The following CATSPERB variants were observed in gnomAD, a reference collection of about 807,000 sequenced individuals.
The protein encoded by CATSPERB is catsper channel auxiliary subunit beta, also known as cation channel sperm-associated auxiliary subunit beta.
A neutral mutation model predicts 128.3 loss-of-function variants in CATSPERB; 93 were observed. The observed-to-expected ratio is 0.72, with a 90% CI of 0.61 to 0.86. The LOEUF (loss-of-function observed/expected upper bound fraction) is 0.86, where lower values mean the gene tolerates loss of function less well. Ranked by LOEUF, CATSPERB falls within the 40% of genes least tolerant of loss-of-function variation. The probability of loss-of-function intolerance (pLI) is 0.00; values close to 1 mark genes in which losing one functional copy is unlikely to be tolerated. For missense variants in CATSPERB, 1,153 were observed against 1,329.5 expected (o/e 0.87, Z 2.06); for synonymous variants, 381 against 448.8 (o/e 0.85, Z 1.91).
At chr14:91,619,593 A>G (rs1040671882) in intron 19 of CATSPERB, among the ~76,000 whole-genome samples, 5 of 143,240 alleles carry the variant, frequency 3.5e-5, no homozygotes, top group Non-Finnish European at 7.6e-5. Flanking sequence ...TATGGTTCCT[A>G]TATCTTCTTT....
At chr14:91,643,092 TTCTC>T (rs1894528441) in intron 15 of CATSPERB, among the ~76,000 whole-genome samples, 1 of 47,126 alleles carries the variant, frequency 2.1e-5, no homozygotes, top group Non-Finnish European at 4.3e-5. Flanking sequence ...TATTTGATTC[TTCTC>T]TCTTTTTTTC....
Position 91,621,897 on chromosome 14 carries a change from A to C in CATSPERB, c.1971T>G (p.Thr657=). 1 of 1,612,886 alleles carries C rather than the reference A, an allele frequency of 6.2e-7. No homozygotes were observed. The highest frequency in any genetic ancestry group is 8.5e-7 in the Non-Finnish European group (1 of 1,179,396). Residue 657 remains threonine (T), a synonymous_variant, in exon 19 of 27, where the codon ACT becomes ACG. Transcript: ENST00000256343. ...AGCTGCTGTACCCGGGAAGCACTAC[A>C]GTCTTCTCTATATCTGTATCTTCAA... The part of the protein sequence containing the change: ...ALFEDTDIEK[T]VVLPGYSSFL...
At chr14:91,623,848 C>T (rs1487784826) in intron 18 of CATSPERB, among the ~76,000 whole-genome samples, 1 of 152,172 alleles carries the variant, frequency 6.6e-6, no homozygotes, top group Non-Finnish European at 1.5e-5. Flanking sequence ...TGCTGTGAAT[C>T]AATAATCCTT....
At chr14:91,665,742 T>C (rs1177660076) in intron 14 of CATSPERB, among the ~76,000 whole-genome samples, 1 of 151,988 alleles carries the variant, frequency 6.6e-6, no homozygotes, top group Non-Finnish European at 1.5e-5. Flanking sequence ...TGGTGGCAGG[T>C]GCCTGTAATC....
chr14:91,598,384 C>A (rs1893546717), intron 22 of CATSPERB, among the ~76,000 whole-genome samples: 1 of 151,772 alleles, frequency 6.6e-6, no homozygotes, highest in Non-Finnish European at 1.5e-5. Context: ...AATGAGATAT[C>A]TATTATTTAA....
At chr14:91,645,336 G>GT (rs1894575517) in intron 15 of CATSPERB, among the ~76,000 whole-genome samples, 1 of 51,582 alleles carries the variant, frequency 1.9e-5, no homozygotes, top group Non-Finnish European at 3.8e-5. Flanking sequence ...CATCTTTGTG[G>GT]TTTTATCTAC....
At chr14:91,715,390 C>T (rs967769093) in intron 5 of CATSPERB, among the ~76,000 whole-genome samples, 12 of 151,352 alleles carry the variant, frequency 7.9e-5, no homozygotes, top group Admixed American at 4.0e-4. Context: ...GGCGAAACCC[C>T]GTCTCTACTA....
chr14:91,725,950 A>G (rs1273967203), intron 2 of CATSPERB, among the ~76,000 whole-genome samples: 2 of 152,146 alleles, frequency 1.3e-5, no homozygotes, highest in Non-Finnish European at 2.9e-5. Flanking sequence ...ATATGAACAG[A>G]AGAGCAAAAG....
chr14:91,704,743 C>G, intron 6 of CATSPERB, 42 bp from the exon 7 acceptor site: 2 of 1,586,284 alleles, frequency 1.3e-6, no homozygotes, highest in East Asian at 2.2e-5. Context: ...TGGGAGCACC[C>G]TTGAAAATGG....
chr14:91,675,897 C>T (rs1029031681), intron 11 of CATSPERB, among the ~76,000 whole-genome samples: 1 of 152,120 alleles, frequency 6.6e-6, no homozygotes, highest in African/African-American at 2.4e-5. Context: ...CATGTGAATT[C>T]TTCTGTGGGT....
chr14:91,727,787 C>T (rs538275128), intron 2 of CATSPERB, among the ~76,000 whole-genome samples: 2 of 151,810 alleles, frequency 1.3e-5, no homozygotes, highest in Non-Finnish European at 2.9e-5. Context: ...GCCATTAAGG[C>T]TCAAATGGGT....
chr14:91,605,062 T>C (rs1893675565), intron 22 of CATSPERB: 2 of 1,214,410 alleles, frequency 1.6e-6, no homozygotes, highest in Middle Eastern at 1.9e-4. Flanking sequence ...TGTCTTCCTT[T>C]TTTCTGGCAC....
At chr14:91,668,300 C>T (rs867218750) in intron 14 of CATSPERB, among the ~76,000 whole-genome samples, 19 of 149,568 alleles carry the variant, frequency 1.3e-4, no homozygotes, top group African/African-American at 1.9e-4. Context: ...GGTTTGTAAA[C>T]GCACCAATCA....
At chr14:91,656,795 C>A (rs1894796436) in intron 15 of CATSPERB, among the ~76,000 whole-genome samples, 1 of 151,642 alleles carries the variant, frequency 6.6e-6, no homozygotes, top group African/African-American at 2.4e-5. Flanking sequence ...CACACATAGA[C>A]TGAAAATAAA....
At chr14:91,676,753 C>T (rs1160738827) in intron 11 of CATSPERB, among the ~76,000 whole-genome samples, 2 of 152,024 alleles carry the variant, frequency 1.3e-5, no homozygotes, top group African/African-American at 4.8e-5. Flanking sequence ...AAAAAAGAGC[C>T]CGTATAGCCA....
At chr14:91,650,993 C>G (rs1894695564) in intron 15 of CATSPERB, among the ~76,000 whole-genome samples, 1 of 151,936 alleles carries the variant, frequency 6.6e-6, no homozygotes, top group Non-Finnish European at 1.5e-5. Context: ...CATTATCTTG[C>G]TAGGTCTATT....
intron 22 of CATSPERB, among the ~76,000 whole-genome samples, chr14:91,599,756 C>G (rs1196170576): frequency 1.3e-5 from 2 of 151,924 alleles, no homozygotes; most frequent in Non-Finnish European, 2.9e-5. Context: ...AGCAAAGGCA[C>G]CAAGACTCAA....
At chr14:91,590,798 C>T (rs1164330099) in intron 23 of CATSPERB, among the ~76,000 whole-genome samples, 2 of 151,506 alleles carry the variant, frequency 1.3e-5, no homozygotes, top group South Asian at 2.1e-4. Flanking sequence ...CTACAGGCGC[C>T]CACCACCACG....
rs530116156 is a variant in CATSPERB, at chr14:91,615,108, G to A, written c.2400+2489C>T. Among the ~76,000 whole-genome samples, 8 of 152,030 alleles carry A rather than the reference G, an allele frequency of 5.3e-5. No individual in the cohort carries two copies. The East Asian group carries it at 7.7e-4, about 15-fold the overall frequency. ...TGTACCCCAGGGGTCCCCAACCCCC[G>A]GGCTGAGGACCAGTACCAGTCTGTG... On this transcript the variant is annotated intron_variant, in intron 20 of 26. Transcript: ENST00000256343.
Sources: allele counts gnomAD v4.1 joint callset (sites outside exome capture counted in the v4.1 genomes callset), GRCh38; gene constraint gnomAD v4.1.1; transcripts MANE v1.5; gene names NCBI Gene and HGNC (gene_info 2026-07-23, HGNC 2026-07-21).